BRINP1: variants seen among roughly 807,000 people sequenced by gnomAD.
The protein encoded by BRINP1 is BMP/retinoic acid inducible neural specific 1, also known as BMP/retinoic acid-inducible neural-specific protein 1.
Under a neutral mutation model 72.9 loss-of-function variants are expected in BRINP1, and 17 were observed. The ratio of observed to expected loss-of-function variants is 0.23; its 90% CI spans 0.16 to 0.35. BRINP1 has a LOEUF of 0.35. Among genes scored for constraint, BRINP1 ranks in the 10% least tolerant of loss-of-function variants. The pLI is 1.00. For synonymous variants in BRINP1, 418 were observed against 378.5 expected, an observed-to-expected ratio of 1.10 and a Z score of -1.21; for missense variants, 850 against 1,001.6, an observed-to-expected ratio of 0.85 and a Z score of 2.04.
intron 2 of BRINP1, among the ~76,000 whole-genome samples, chr9:119,295,843 A>T (rs925690891): frequency 6.6e-6 from 1 of 152,230 alleles, no homozygotes; most frequent in African/African-American, 2.4e-5. Context: ...CACATGCAAA[A>T]GGAGGAAATT....
chr9:119,180,916 AAGG>A (rs1294349646), intron 7 of BRINP1, among the ~76,000 whole-genome samples: 3 of 152,194 alleles, frequency 2.0e-5, no homozygotes, highest in Non-Finnish European at 4.4e-5. Context: ...AAGAAGGAAG[AAGG>A]AGAAGAGCAT....
intron 7 of BRINP1, among the ~76,000 whole-genome samples, chr9:119,206,750 G>C (rs1829859680): frequency 6.6e-6 from 1 of 152,304 alleles, no homozygotes; most frequent in Middle Eastern, 3.4e-3. Flanking sequence ...ACTGTTCGCT[G>C]TGTGCATTTC....
chr9:119,217,368 G>T (rs1218774857), intron 5 of BRINP1, among the ~76,000 whole-genome samples: 1 of 151,314 alleles, frequency 6.6e-6, no homozygotes, highest in Non-Finnish European at 1.5e-5. Flanking sequence ...GAGAGAGAGA[G>T]AAAAGAAAAC....
At chr9:119,289,078 G>A (rs1830797558) in intron 2 of BRINP1, among the ~76,000 whole-genome samples, 1 of 152,228 alleles carries the variant, frequency 6.6e-6, no homozygotes, top group Admixed American at 6.5e-5. Flanking sequence ...GGGGTTACAG[G>A]CGTGAGCCAC....
chr9:119,241,974 C>A lies in BRINP1; in HGVS notation c.579+73G>T, dbSNP rs147572107. Reference sequence around the variant, plus strand: ...AACCCAGAAATTACATCTGTCCATCCACTCTCAGAATGCCTGCATTGCAGT... The same window carrying A: ...AACCCAGAAATTACATCTGTCCATCAACTCTCAGAATGCCTGCATTGCAGT... On this transcript the variant is annotated intron_variant, in intron 4 of 7. Transcript: ENST00000265922. 4.1e-6 allele frequency: 6 copies of A among 1,479,694 alleles called. No homozygotes were observed. The East Asian group carries it at 1.4e-4, about 34-fold the overall frequency. 91.7% of individuals were successfully genotyped at this position (1,479,694 alleles called of 1,614,324 possible).
intron 7 of BRINP1, among the ~76,000 whole-genome samples, chr9:119,204,552 A>G (rs1273925971): frequency 6.6e-6 from 1 of 152,194 alleles, no homozygotes; most frequent in Non-Finnish European, 1.5e-5. Flanking sequence ...GTATCGCTTC[A>G]TAAGACTGTA....
chr9:119,288,156 A>C, intron 2 of BRINP1, among the ~76,000 whole-genome samples: 1 of 152,218 alleles, frequency 6.6e-6, no homozygotes, highest in East Asian at 1.9e-4. Flanking sequence ...TGCATGCAAA[A>C]GGATTCCTTC....
At position 119,213,966 on chromosome 9, in the gene BRINP1, T is replaced by G. The variant is rs144848779; in HGVS notation, c.875A>C (p.Asn292Thr). The change falls in exon 6 of 8, where the codon AAC becomes ACC. Residue 292 changes from asparagine (N) to threonine (T), a missense_variant. Physicochemically the swap from Asn to Thr is moderately conservative, Grantham distance 65. Transcript: ENST00000265922. Reference protein sequence around the residue: ...DIQIMEYTLANMAKSWAEAYK... With the variant: ...DIQIMEYTLATMAKSWAEAYK... ...AGCTTCGGCCCAAGACTTGGCCATG[T>G]TGGCCAGCGTGTACTCCATGATCTG... 1.9e-6 allele frequency: 3 copies of G among 1,614,202 alleles called. No individual in the cohort carries two copies. In the South Asian group the frequency reaches 3.3e-5, roughly 18 times the overall value.
intron 1 of BRINP1, among the ~76,000 whole-genome samples, chr9:119,316,644 A>G (rs1282166971): frequency 6.6e-6 from 1 of 152,080 alleles, no homozygotes; most frequent in East Asian, 1.9e-4. Flanking sequence ...TTTGTTTACA[A>G]CATAGTTTAC....
intron 7 of BRINP1, among the ~76,000 whole-genome samples, chr9:119,169,158 T>C (rs1231988115): frequency 2.0e-5 from 3 of 152,234 alleles, no homozygotes; most frequent in Non-Finnish European, 4.4e-5. Context: ...AGCTCCAGTC[T>C]ACAGCTCCCA....
At chr9:119,342,066 C>G (rs1831411815) in intron 1 of BRINP1, among the ~76,000 whole-genome samples, 2 of 150,938 alleles carry the variant, frequency 1.3e-5, no homozygotes, top group South Asian at 4.1e-4. Flanking sequence ...CCGCACCCAG[C>G]CTGTATTATT....
chr9:119,273,304 T>C (rs909842358), intron 2 of BRINP1, among the ~76,000 whole-genome samples: 5 of 152,180 alleles, frequency 3.3e-5, no homozygotes, highest in Non-Finnish European at 7.3e-5. Context: ...AGGTCCTTTA[T>C]AGTACATACT....
chr9:119,174,795 T>G (rs1364762218), intron 7 of BRINP1, among the ~76,000 whole-genome samples: 4 of 150,116 alleles, frequency 2.7e-5, no homozygotes, highest in Admixed American at 1.3e-4. Flanking sequence ...CCATAAAAAA[T>G]GATGAGTTCA....
intron 1 of BRINP1, among the ~76,000 whole-genome samples, chr9:119,318,347 T>G (rs553962672): frequency 2.0e-5 from 3 of 152,196 alleles, no homozygotes; most frequent in African/African-American, 7.2e-5. Context: ...AGAAAAAAAT[T>G]TAAAAGAGAA....
At chr9:119,235,272 A>C (rs1830183144) in intron 5 of BRINP1, among the ~76,000 whole-genome samples, 1 of 152,198 alleles carries the variant, frequency 6.6e-6, no homozygotes, top group Non-Finnish European at 1.5e-5. Context: ...TCAACTCATT[A>C]ATGTGCTGCA....
intron 1 of BRINP1, among the ~76,000 whole-genome samples, chr9:119,330,871 C>T (rs75561789): frequency 1.3e-5 from 2 of 151,872 alleles, no homozygotes; most frequent in East Asian, 3.9e-4. Context: ...ACTAAAAATA[C>T]AAAAAATCAG....
chr9:119,298,797 C>T (rs1260359823), intron 2 of BRINP1, among the ~76,000 whole-genome samples: 1 of 152,260 alleles, frequency 6.6e-6, no homozygotes, highest in Admixed American at 6.5e-5. Context: ...GCTTTTTCAC[C>T]TTTTCAAGAC....
At chr9:119,201,209 T>G (rs1829801923) in intron 7 of BRINP1, among the ~76,000 whole-genome samples, 1 of 152,178 alleles carries the variant, frequency 6.6e-6, no homozygotes, top group South Asian at 2.1e-4. Context: ...TAAAAGGCCA[T>G]TGTAATTTCA....
At position 119,288,538 on chromosome 9, in the gene BRINP1, CT is replaced by C. The variant is rs141778769; in HGVS notation, c.218+24599del. On this transcript the variant is annotated intron_variant, in intron 2 of 7. Coordinates refer to ENST00000265922, the MANE Select transcript of BRINP1 (RefSeq NM_014618.3). ...CACAATACAGAAAGCAAAATGAGGTCTTTTCATCAGTCAATGAATTGATAAA... is the reference window on the plus strand; with the variant it reads ...CACAATACAGAAAGCAAAATGAGGTCTTTCATCAGTCAATGAATTGATAAA... 8.0e-3 allele frequency among the ~76,000 whole-genome samples: 1,219 copies of C among 152,054 alleles called. 14 individuals are homozygous for C. The highest frequency in any genetic ancestry group is 0.028 in the African/African-American group (1,177 of 41,464).
Sources: gnomAD v4.1 joint callset for allele counts (sites outside exome capture counted in the v4.1 genomes callset) on GRCh38, gnomAD v4.1.1 for gene constraint, MANE v1.5 for transcripts, NCBI Gene and HGNC (gene_info 2026-07-23, HGNC 2026-07-21) for gene names.